Variants in RPL6 observed in about 807,000 individuals in gnomAD.
The protein encoded by RPL6 is ribosomal protein L6, also known as large ribosomal subunit protein eL6.
Under a neutral mutation model 32.1 loss-of-function variants are expected in RPL6, and 1 was observed. The ratio of observed to expected loss-of-function variants is 0.03; its 90% CI spans 0.01 to 0.15. The LOEUF is 0.15. Ranked by LOEUF, RPL6 falls within the 10% of genes least tolerant of loss-of-function variation. RPL6 has a pLI of 1.00. For missense variants in RPL6, 275 were observed against 354.6 expected (o/e 0.78, Z 1.80); for synonymous variants, 126 against 131.6 (o/e 0.96, Z 0.29).
upstream of RPL6, chr12:112,411,559 CAGA>C (rs2037341672): frequency 6.6e-6 from 1 of 152,276 alleles, no homozygotes; most frequent in Non-Finnish European, 1.5e-5. Context: ...ACTTCAACTG[CAGA>C]AAATGTACCA....
intron 5 of RPL6, 57 bp downstream of exon 5, chr12:112,406,237 T>C: frequency 6.7e-7 from 1 of 1,483,402 alleles, no homozygotes; most frequent in Non-Finnish European, 9.4e-7. Context: ...ACGTGTATAC[T>C]GCAAGCATTT....
At position 112,408,330 on chromosome 12, in the gene RPL6, C is replaced by G. The variant is rs757829374; in HGVS notation, c.246G>C (p.Lys82Asn). The G allele has an allele frequency of 1.3e-5, 21 of 1,614,074 alleles. No individual in the cohort carries two copies. The highest frequency in any genetic ancestry group is 1.8e-5 in the Non-Finnish European group (21 of 1,180,046). Residue 82 changes from lysine to asparagine, a missense_variant, in exon 3 of 7, where the codon AAG becomes AAC. By Grantham distance (94) the Lys-to-Asn change is moderately conservative. Transcript: ENST00000202773. ...KYSAAKSKVE[K>N]KKKEKVLATV... ...TTGCGAGAACCTTCTCCTTCTTTTT[C>G]TTTTCAACCTACAAGGACACAAATG...
chr12:112,410,380 G>A, upstream of RPL6: 1 of 255,278 alleles, frequency 3.9e-6, no homozygotes, highest in Non-Finnish European at 8.0e-6. Context: ...CCGTCCTCCG[G>A]CCTGGCCTAC....
chr12:112,418,094 T>C (rs1370483933), intron 1 of RPL6, among the ~76,000 whole-genome samples: 7 of 144,232 alleles, frequency 4.9e-5, no homozygotes, highest in African/African-American at 7.7e-5. Flanking sequence ...ATTCTCCTGC[T>C]TCAGACTCCC....
At chr12:112,417,016 A>G (rs1302825157) in intron 1 of RPL6, among the ~76,000 whole-genome samples, 1 of 152,200 alleles carries the variant, frequency 6.6e-6, no homozygotes, top group East Asian at 1.9e-4. Context: ...CTATACAGAT[A>G]TGGGTTAAAC....
intron 1 of RPL6, among the ~76,000 whole-genome samples, chr12:112,415,951 T>C (rs1310614484): frequency 6.7e-6 from 1 of 148,268 alleles, no homozygotes; most frequent in Non-Finnish European, 1.5e-5. Context: ...GTGACTAGTT[T>C]TGCAGTTTTT....
rs1015160692 is a variant in RPL6 at position 112,405,243 on chromosome 12, G to A, written c.848C>T (p.Pro283Leu). Residue 283 changes from proline to leucine, a missense_variant, in exon 7 of 7, where the codon CCT becomes CTT. Transcript: ENST00000202773. ...AGACATTTAGAACACCAATTTGTGA[G>A]GATAAATTCCATTCGTCAGAGCAAA... The part of the protein sequence containing the change: ...SVFALTNGIY[P>L]HKLVF The A allele has an allele frequency of 6.3e-7, 1 of 1,577,796 alleles. No homozygotes were observed. The highest frequency in any genetic ancestry group is 8.6e-7 in the Non-Finnish European group (1 of 1,165,662).
At chr12:112,415,642 G>A (rs142461401) in intron 1 of RPL6, among the ~76,000 whole-genome samples, 2 of 152,208 alleles carry the variant, frequency 1.3e-5, no homozygotes, top group East Asian at 3.9e-4. Flanking sequence ...CTTGAATCTG[G>A]GAGGTGGAGT....
chr12:112,405,357 T>G lies in RPL6; in HGVS notation c.734A>C (p.Gln245Pro). The change falls in exon 7 of 7, where the codon CAG becomes CCG. Residue 245 changes from glutamine (Q) to proline (P), a missense_variant. By Grantham distance (76) the Gln-to-Pro change is moderately conservative. Coordinates refer to ENST00000202773, the MANE Select transcript of RPL6 (RefSeq NM_000970.6). ...TEKEKYEITE[Q>P]RKIDQKAVDS... ...CACAGCTTTCTGATCAATCTTGCGC[T>G]GCTCCGTAATCTCATATTTCTAAAT... The G allele has an allele frequency of 6.2e-7, 1 of 1,604,790 alleles. No individual in the cohort carries two copies. The highest frequency in any genetic ancestry group is 8.5e-7 in the Non-Finnish European group (1 of 1,178,136).
chr12:112,414,974 T>A (rs2037387636), upstream of RPL6, among the ~76,000 whole-genome samples: 1 of 151,926 alleles, frequency 6.6e-6, no homozygotes, highest in African/African-American at 2.4e-5. Flanking sequence ...GCTCTTAGAT[T>A]TATAGTGTAG....
chr12:112,412,029 G>A (rs1206575918), upstream of RPL6, among the ~76,000 whole-genome samples: 2 of 151,344 alleles, frequency 1.3e-5, no homozygotes, highest in South Asian at 2.1e-4. Flanking sequence ...ACAGGTGCCC[G>A]CTACCACACC....
downstream of RPL6, chr12:112,405,181 G>C (rs773715273): frequency 2.6e-6 from 4 of 1,539,274 alleles, no homozygotes; most frequent in South Asian, 3.7e-5. Flanking sequence ...TAAAAAAAGA[G>C]ACACAAAATG....
chr12:112,417,879 A>G (rs2037440037), intron 1 of RPL6, among the ~76,000 whole-genome samples: 1 of 151,314 alleles, frequency 6.6e-6, no homozygotes, highest in Admixed American at 6.6e-5. Context: ...GCTGGTTCCC[A>G]ACTCCTGGAC....
chr12:112,405,796 T>G, intron 6 of RPL6, 57 bp downstream of exon 6: 1 of 1,398,950 alleles, frequency 7.1e-7, no homozygotes, highest in South Asian at 1.4e-5. Context: ...CCTGTTTCTT[T>G]TCACTCCCAG....
At chr12:112,418,674 T>C (rs2037459854) in intron 1 of RPL6, 1 of 303,376 alleles carries the variant, frequency 3.3e-6, no homozygotes, top group Non-Finnish European at 6.2e-6. Context: ...GAAATCGATG[T>C]GGCAGCGGGC....
upstream of RPL6, among the ~76,000 whole-genome samples, chr12:112,412,497 A>T (rs1391540083): frequency 3.4e-5 from 5 of 147,524 alleles, no homozygotes; most frequent in Non-Finnish European, 7.5e-5. Flanking sequence ...TTTTTTGGAG[A>T]CAGAGTCTCG....
upstream of RPL6, among the ~76,000 whole-genome samples, chr12:112,413,643 C>T: frequency 6.6e-6 from 1 of 151,842 alleles, no homozygotes; most frequent in East Asian, 1.9e-4. Flanking sequence ...CCAGTCTGGT[C>T]TCAAACTCCT....
chr12:112,408,308 C>G lies in RPL6; in HGVS notation c.268G>C (p.Ala90Pro), dbSNP rs779708638. The G allele has an allele frequency of 6.2e-7, 1 of 1,614,078 alleles. No individual in the cohort carries two copies. The highest frequency in any genetic ancestry group is 8.5e-7 in the Non-Finnish European group (1 of 1,180,050). The change falls in exon 3 of 7, where the codon GCA (alanine) becomes CCA (proline). Residue 90 changes from alanine to proline, a missense_variant. Ala to Pro is a conservative substitution (Grantham distance 27). Transcript: ENST00000202773. Reference sequence around the variant, plus strand: ...CCACCAACTGGTTTTGTAACAGTTGCGAGAACCTTCTCCTTCTTTTTCTTT... The same window carrying G: ...CCACCAACTGGTTTTGTAACAGTTGGGAGAACCTTCTCCTTCTTTTTCTTT... ...VEKKKKEKVL[A>P]TVTKPVGGDK...
chr12:112,416,758 G>A (rs1028638659), intron 1 of RPL6, among the ~76,000 whole-genome samples: 1 of 152,220 alleles, frequency 6.6e-6, no homozygotes, highest in African/African-American at 2.4e-5. Flanking sequence ...GCTACTATGT[G>A]GAGATTGGAT....
Sources: gnomAD v4.1 joint callset for allele counts (sites outside exome capture counted in the v4.1 genomes callset) on GRCh38, gnomAD v4.1.1 for gene constraint, MANE v1.5 for transcripts, NCBI Gene and HGNC (gene_info 2026-07-23, HGNC 2026-07-21) for gene names.